Variants in SMAP1 observed in about 807,000 individuals in gnomAD.
SMAP1 encodes small ArfGAP 1.
Under a neutral mutation model 58.5 loss-of-function variants are expected in SMAP1, and 24 were observed. The ratio of observed to expected loss-of-function variants is 0.41; its 90% CI spans 0.30 to 0.58. The LOEUF is 0.58. Ranked by LOEUF, SMAP1 falls within the 20% of genes least tolerant of loss-of-function variation. SMAP1 has a pLI of 0.29. For synonymous variants in SMAP1, 216 were observed against 196.6 expected (o/e 1.10, Z -0.82); for missense variants, 563 against 566.3 (o/e 0.99, Z 0.06).
chr6:70,755,410 A>G (rs1766446633), intron 3 of SMAP1, among the ~76,000 whole-genome samples: 2 of 152,028 alleles, frequency 1.3e-5, no homozygotes. Context: ...TACTAGTGTA[A>G]CCATTCTGTT....
At chr6:70,805,918 C>T (rs564760119) in intron 6 of SMAP1, among the ~76,000 whole-genome samples, 13 of 152,286 alleles carry the variant, frequency 8.5e-5, no homozygotes, top group South Asian at 2.1e-4. Context: ...AGGTGTCTGT[C>T]GGCCCCTACT....
chr6:70,714,582 T>C (rs1010881678), intron 1 of SMAP1, among the ~76,000 whole-genome samples: 1 of 152,196 alleles, frequency 6.6e-6, no homozygotes, highest in Non-Finnish European at 1.5e-5. Flanking sequence ...TTAGTACTTT[T>C]ATCTTTTAGG....
At chr6:70,774,209 GAT>G (rs1249483646) in intron 4 of SMAP1, among the ~76,000 whole-genome samples, 1 of 152,170 alleles carries the variant, frequency 6.6e-6, no homozygotes, top group African/African-American at 2.4e-5. Context: ...GTCATGTAAT[GAT>G]ATGTTTCTCA....
At chr6:70,723,006 T>G (rs1464096589) in intron 1 of SMAP1, among the ~76,000 whole-genome samples, 1 of 152,242 alleles carries the variant, frequency 6.6e-6, no homozygotes, top group African/African-American at 2.4e-5. Context: ...GTTTTATACT[T>G]AGGGAATAGG....
At chr6:70,776,841 A>G (rs925895959) in intron 4 of SMAP1, among the ~76,000 whole-genome samples, 1 of 152,180 alleles carries the variant, frequency 6.6e-6, no homozygotes, top group Non-Finnish European at 1.5e-5. Flanking sequence ...TTATGGCTGA[A>G]TAGTATTCCA....
rs954747236 is a variant in SMAP1 at position 70,800,653 on chromosome 6, C to T, written c.576+1916C>T. On this transcript the variant is annotated intron_variant, in intron 6 of 10. Transcript: ENST00000370455. Reference sequence around the variant, plus strand: ...TTTACATTAGGTATATCTCCTAATGCTGTCCCTCCCCCAGCCCCCCACCCC... The same window carrying T: ...TTTACATTAGGTATATCTCCTAATGTTGTCCCTCCCCCAGCCCCCCACCCC... 7.9e-5 allele frequency among the ~76,000 whole-genome samples: 12 copies of T among 152,178 alleles called. No individual in the cohort carries two copies. In the East Asian group the frequency reaches 1.9e-3, roughly 25 times the overall value.
At chr6:70,836,854 T>A (rs1424303280) in intron 6 of SMAP1, 87 bp from the exon 7 acceptor site, 2 of 1,010,012 alleles carry the variant, frequency 2.0e-6, no homozygotes, top group Non-Finnish European at 2.8e-6. Flanking sequence ...TACACTAACT[T>A]TATCAGAACC....
intron 10 of SMAP1, 93 bp from the exon 11 acceptor site, chr6:70,860,107 C>G: frequency 7.1e-7 from 1 of 1,411,450 alleles, no homozygotes; most frequent in Non-Finnish European, 9.5e-7. Context: ...CTAGTTGTCA[C>G]ATTAATGAAA....
intron 1 of SMAP1, among the ~76,000 whole-genome samples, chr6:70,686,939 A>G (rs1288055519): frequency 6.6e-6 from 1 of 152,202 alleles, no homozygotes; most frequent in Non-Finnish European, 1.5e-5. Context: ...TGTTTGAGAA[A>G]TATTGACCTA....
At chr6:70,766,177 G>A (rs1381075478) in intron 3 of SMAP1, among the ~76,000 whole-genome samples, 1 of 152,034 alleles carries the variant, frequency 6.6e-6, no homozygotes, top group Non-Finnish European at 1.5e-5. Flanking sequence ...CCAAGTCTTT[G>A]CTATTGTGAA....
chr6:70,701,041 C>A (rs747360383), intron 1 of SMAP1, among the ~76,000 whole-genome samples: 74 of 152,110 alleles, frequency 4.9e-4, no homozygotes, highest in Non-Finnish European at 9.7e-4. Context: ...CTCCCCTCTT[C>A]TCTCCTCACA....
intron 7 of SMAP1, among the ~76,000 whole-genome samples, chr6:70,846,996 A>T (rs1771013086): frequency 6.6e-6 from 1 of 152,174 alleles, no homozygotes; most frequent in South Asian, 2.1e-4. Context: ...TTAGTGGTTA[A>T]ACTTGTATTA....
intron 4 of SMAP1, among the ~76,000 whole-genome samples, chr6:70,786,146 A>G (rs10945256): frequency 0.5 from 74,926 of 151,104 alleles, 18,833 homozygotes; most frequent in Non-Finnish European, 0.52. Flanking sequence ...GGCTGGTTCA[A>G]TATACACAAA....
intron 2 of SMAP1, among the ~76,000 whole-genome samples, chr6:70,733,411 T>C (rs1055024892): frequency 2.0e-5 from 3 of 152,220 alleles, no homozygotes; most frequent in Non-Finnish European, 4.4e-5. Flanking sequence ...CAATCTTTTA[T>C]GTACTTTCAA....
chr6:70,679,476 T>C (rs1018753214), intron 1 of SMAP1, among the ~76,000 whole-genome samples: 3 of 152,202 alleles, frequency 2.0e-5, no homozygotes, highest in African/African-American at 7.2e-5. Flanking sequence ...ATCATTTATG[T>C]AGGAAATCCC....
At chr6:70,738,467 A>G (rs1311502697) in intron 2 of SMAP1, among the ~76,000 whole-genome samples, 1 of 152,006 alleles carries the variant, frequency 6.6e-6, no homozygotes, top group Non-Finnish European at 1.5e-5. Context: ...GAAAAAAAAA[A>G]AAAAACCAGT....
chr6:70,828,917 A>G (rs758294516), intron 6 of SMAP1, among the ~76,000 whole-genome samples: 11 of 152,132 alleles, frequency 7.2e-5, no homozygotes, highest in Non-Finnish European at 1.2e-4. Context: ...ATGGCGGTGC[A>G]TGCCTATAGT....
At chr6:70,772,482 C>A (rs10755543) in intron 3 of SMAP1, among the ~76,000 whole-genome samples, 65,993 of 151,782 alleles carry the variant, frequency 0.43, 14,702 homozygotes, top group South Asian at 0.5. Flanking sequence ...AAATAATTAT[C>A]AGAAAGGAGT....
At chr6:70,787,024 G>A (rs1305173969) in intron 4 of SMAP1, among the ~76,000 whole-genome samples, 2 of 152,106 alleles carry the variant, frequency 1.3e-5, no homozygotes, top group African/African-American at 2.4e-5. Context: ...AAAGCTGGAG[G>A]CATCACGCTA....
Sources: allele counts gnomAD v4.1 joint callset (sites outside exome capture counted in the v4.1 genomes callset), GRCh38; gene constraint gnomAD v4.1.1; transcripts MANE v1.5; gene names NCBI Gene and HGNC (gene_info 2026-07-23, HGNC 2026-07-21).